Variants in EIF4E observed in about 807,000 individuals in gnomAD.
EIF4E encodes eukaryotic translation initiation factor 4E.
For synonymous variants in EIF4E, 71 were observed against 88.5 expected (o/e 0.80, Z 1.11); for missense variants, 113 against 265.6 (o/e 0.43, Z 3.99).
rs1328256313 is a variant in EIF4E, at chr4:98,924,815, A to G, written c.18+4280T>C. Among the ~76,000 whole-genome samples the G allele has an allele frequency of 4.6e-5, 7 of 151,730 alleles. No individual in the cohort carries two copies. In the East Asian group the frequency reaches 1.4e-3, roughly 30 times the overall value. ...ACCATTTTGGCCAGGCTGGTCTCGA[A>G]CACCTGACCTCAAGTGATCCCCACC... On this transcript the variant is annotated intron_variant, in intron 1 of 6. Coordinates refer to ENST00000450253, the MANE Select transcript of EIF4E (RefSeq NM_001968.5).
intron 1 of EIF4E, among the ~76,000 whole-genome samples, chr4:98,914,272 C>T (rs1320642967): frequency 7.2e-6 from 1 of 139,810 alleles, no homozygotes; most frequent in Non-Finnish European, 1.5e-5. Context: ...AGGAGAATCA[C>T]TTGAACCCAG....
chr4:98,927,352 G>C (rs1440085665), intron 1 of EIF4E, among the ~76,000 whole-genome samples: 2 of 152,102 alleles, frequency 1.3e-5, no homozygotes, highest in East Asian at 3.9e-4. Flanking sequence ...TTTTGAAATA[G>C]TTTTATAAAA....
chr4:98,911,472 C>T (rs537224330), intron 1 of EIF4E, among the ~76,000 whole-genome samples: 4 of 149,034 alleles, frequency 2.7e-5, no homozygotes, highest in Admixed American at 2.7e-4. Context: ...CCAGCCTGAC[C>T]AACATGGAGA....
intron 2 of EIF4E, among the ~76,000 whole-genome samples, chr4:98,896,483 T>G (rs1579159872): frequency 1.7e-5 from 1 of 60,258 alleles, no homozygotes; most frequent in East Asian, 5.3e-4. Flanking sequence ...ACCCCGCATC[T>G]CTCAAAAAAA....
At chr4:98,919,841 G>A (rs541348748) in intron 1 of EIF4E, among the ~76,000 whole-genome samples, 5 of 152,204 alleles carry the variant, frequency 3.3e-5, no homozygotes, top group Admixed American at 2.6e-4. Flanking sequence ...TTACAGGCGT[G>A]AGCCACCATG....
intron 3 of EIF4E, among the ~76,000 whole-genome samples, chr4:98,890,195 A>G (rs1724090116): frequency 6.6e-6 from 1 of 152,230 alleles, no homozygotes; most frequent in Non-Finnish European, 1.5e-5. Flanking sequence ...GAAGATGTAC[A>G]TACATATGTA....
intron 1 of EIF4E, among the ~76,000 whole-genome samples, chr4:98,919,347 C>CA (rs974044137): frequency 1.7e-4 from 22 of 129,698 alleles, no homozygotes; most frequent in South Asian, 2.5e-4. Context: ...AAAAAAAAAA[C>CA]AAAAAAAAAC....
intron 1 of EIF4E, among the ~76,000 whole-genome samples, chr4:98,924,608 C>G (rs1366064959): frequency 6.8e-6 from 1 of 147,464 alleles, no homozygotes; most frequent in African/African-American, 2.5e-5. Context: ...TTTTTTTATT[C>G]TTTTTGATGG....
chr4:98,909,429 TA>T (rs1170926499), intron 1 of EIF4E: 7 of 474,368 alleles, frequency 1.5e-5, no homozygotes, highest in Non-Finnish European at 2.6e-5. Flanking sequence ...CACAATCACA[TA>T]AAAAGAATCA....
At chr4:98,894,221 T>C (rs1393170932) in intron 2 of EIF4E, among the ~76,000 whole-genome samples, 1 of 152,188 alleles carries the variant, frequency 6.6e-6, no homozygotes, top group African/African-American at 2.4e-5. Context: ...TCTTAAGATT[T>C]TGGGAATGGC....
At chr4:98,929,063 C>T (rs1346169648) in intron 1 of EIF4E, 32 bp downstream of exon 1, 3 of 1,577,642 alleles carry the variant, frequency 1.9e-6, no homozygotes, top group East Asian at 2.3e-5. Flanking sequence ...GCGCGGGGAC[C>T]CGTGGGGGTG....
chr4:98,894,916 TAACATGTAGAGGCC>T (rs1399162731), intron 2 of EIF4E, among the ~76,000 whole-genome samples: 3 of 152,228 alleles, frequency 2.0e-5, no homozygotes, highest in Non-Finnish European at 1.5e-5. Context: ...CCTTTCACTA[TAACATGTAGAGGCC>T]ACTGTAGGGC....
chr4:98,911,289 T>G (rs1478730733), intron 1 of EIF4E, among the ~76,000 whole-genome samples: 1 of 149,920 alleles, frequency 6.7e-6, no homozygotes, highest in Non-Finnish European at 1.5e-5. Context: ...ACCTCGTGAT[T>G]CACCCGCCTC....
intron 2 of EIF4E, among the ~76,000 whole-genome samples, chr4:98,893,447 C>T (rs1579156985): frequency 6.6e-6 from 1 of 152,190 alleles, no homozygotes; most frequent in African/African-American, 2.4e-5. Context: ...CCTCCCAAAC[C>T]CTGCAGTTGC....
intron 1 of EIF4E, among the ~76,000 whole-genome samples, chr4:98,920,436 A>T (rs1055598080): frequency 5.9e-5 from 9 of 151,900 alleles, no homozygotes; most frequent in African/African-American, 2.2e-4. Context: ...CTGGGACTAC[A>T]GGCACCCATG....
intron 1 of EIF4E, among the ~76,000 whole-genome samples, chr4:98,904,729 C>T (rs961953540): frequency 1.3e-5 from 2 of 152,150 alleles, no homozygotes; most frequent in Non-Finnish European, 2.9e-5. Flanking sequence ...ACAGATCGTG[C>T]CACTGTTCTC....
At chr4:98,900,963 T>A (rs189069885) in intron 2 of EIF4E, among the ~76,000 whole-genome samples, 12 of 152,350 alleles carry the variant, frequency 7.9e-5, no homozygotes, top group Admixed American at 2.6e-4. Context: ...TCTATACATC[T>A]GTATATCTCC....
At chr4:98,916,534 T>A (rs115856663) in intron 1 of EIF4E, among the ~76,000 whole-genome samples, 3 of 152,034 alleles carry the variant, frequency 2.0e-5, no homozygotes, top group Admixed American at 6.6e-5. Context: ...CACAGTACAA[T>A]GGATGAAAAC....
chr4:98,901,518 C>T (rs1724648630), intron 2 of EIF4E, among the ~76,000 whole-genome samples: 1 of 152,160 alleles, frequency 6.6e-6, no homozygotes, highest in Non-Finnish European at 1.5e-5. Context: ...GCGACCACCA[C>T]TGTCTTTGTA....
Sources: gnomAD v4.1 joint callset for allele counts (sites outside exome capture counted in the v4.1 genomes callset) on GRCh38, gnomAD v4.1.1 for gene constraint, MANE v1.5 for transcripts, NCBI Gene and HGNC (gene_info 2026-07-23, HGNC 2026-07-21) for gene names.